MAN2A1: variants seen among roughly 807,000 people sequenced by gnomAD.
MAN2A1 encodes the protein mannosidase alpha class 2A member 1.
A neutral mutation model predicts 142.6 loss-of-function variants in MAN2A1; 76 were observed. The ratio of observed to expected loss-of-function variants is 0.53; its 90% confidence interval spans 0.44 to 0.65. The LOEUF is 0.65. Among genes scored for constraint, MAN2A1 ranks in the 30% least tolerant of loss-of-function variants. MAN2A1 has a pLI of 0.00. For synonymous variants in MAN2A1, 559 were observed against 473.2 expected, an observed-to-expected ratio of 1.18 and a Z score of -2.35; for missense variants, 1,311 against 1,365.1, an observed-to-expected ratio of 0.96 and a Z score of 0.62.
At chr5:109,836,210 A>G (rs1183869267) in intron 16 of MAN2A1, among the ~76,000 whole-genome samples, 5 of 151,978 alleles carry the variant, frequency 3.3e-5, no homozygotes, top group Non-Finnish European at 5.9e-5. Flanking sequence ...CCTAGGTTCA[A>G]GTGATTCTCC....
rs1041843516 is a variant in MAN2A1, at chr5:109,845,374, C to T, written c.2701-491C>T. Among the ~76,000 whole-genome samples the T allele has an allele frequency of 1.2e-4, 18 of 152,108 alleles. 1 individual carries two copies. Reference sequence around the variant, plus strand: ...TGAATGGTTTTTAAATATAAATATGCATTTGATTTTAACATAATATCTTAG... The same window carrying T: ...TGAATGGTTTTTAAATATAAATATGTATTTGATTTTAACATAATATCTTAG... On this transcript the variant is annotated intron_variant, in intron 17 of 21. Coordinates refer to ENST00000261483, the MANE Select transcript of MAN2A1 (RefSeq NM_002372.4).
intron 1 of MAN2A1, among the ~76,000 whole-genome samples, chr5:109,701,066 G>T (rs1306325130): frequency 6.6e-6 from 1 of 152,238 alleles, no homozygotes; most frequent in African/African-American, 2.4e-5. Flanking sequence ...CCAATGGACA[G>T]AGATTTGTAG....
At chr5:109,800,926 G>C (rs1377050984) in intron 12 of MAN2A1, among the ~76,000 whole-genome samples, 1 of 152,172 alleles carries the variant, frequency 6.6e-6, no homozygotes, top group Non-Finnish European at 1.5e-5. Flanking sequence ...CCATAGTGAT[G>C]AACCCTTATG....
intron 4 of MAN2A1, among the ~76,000 whole-genome samples, chr5:109,745,239 T>C (rs1199346574): frequency 1.3e-5 from 2 of 152,210 alleles, no homozygotes; most frequent in African/African-American, 2.4e-5. Flanking sequence ...TATATTGTTA[T>C]ATCTCAATTA....
chr5:109,711,546 A>T (rs17450979), intron 1 of MAN2A1, among the ~76,000 whole-genome samples: 6,561 of 152,262 alleles, frequency 0.043, 175 homozygotes, highest in Middle Eastern at 0.082. Flanking sequence ...CTTGTAACCA[A>T]TGTTGATGTG....
chr5:109,811,535 T>C (rs1754317084), intron 12 of MAN2A1, among the ~76,000 whole-genome samples: 1 of 151,332 alleles, frequency 6.6e-6, no homozygotes, highest in African/African-American at 2.4e-5. Flanking sequence ...TTTTCTGTTT[T>C]GATTGGTCTC....
At chr5:109,813,338 A>G (rs1288986343) in intron 12 of MAN2A1, among the ~76,000 whole-genome samples, 2 of 152,234 alleles carry the variant, frequency 1.3e-5, no homozygotes, top group Non-Finnish European at 2.9e-5. Flanking sequence ...AGCTGTCACA[A>G]CTGTCACAAA....
At chr5:109,811,946 A>T (rs1307281356) in intron 12 of MAN2A1, among the ~76,000 whole-genome samples, 1 of 152,002 alleles carries the variant, frequency 6.6e-6, no homozygotes, top group African/African-American at 2.4e-5. Flanking sequence ...TCCTTTATTT[A>T]GATTTATACA....
intron 3 of MAN2A1, among the ~76,000 whole-genome samples, chr5:109,719,381 T>C (rs1424161185): frequency 2.0e-5 from 3 of 152,190 alleles, no homozygotes; most frequent in Admixed American, 2.0e-4. Context: ...TTAACAAAAG[T>C]AAAATATTGA....
chr5:109,724,698 G>T (rs1751695158), intron 3 of MAN2A1, among the ~76,000 whole-genome samples: 2 of 152,014 alleles, frequency 1.3e-5, no homozygotes, highest in South Asian at 2.1e-4. Flanking sequence ...AAAAAGAAAA[G>T]AAAAAATCAT....
intron 1 of MAN2A1, among the ~76,000 whole-genome samples, chr5:109,712,033 C>T (rs906299676): frequency 2.6e-5 from 4 of 151,824 alleles, no homozygotes; most frequent in Non-Finnish European, 5.9e-5. Flanking sequence ...AGATATTCAC[C>T]CCTAGTGTTG....
chr5:109,836,548 G>A (rs1455034013), intron 16 of MAN2A1, among the ~76,000 whole-genome samples: 1 of 152,160 alleles, frequency 6.6e-6, no homozygotes, highest in African/African-American at 2.4e-5. Flanking sequence ...AGTGGGGGAA[G>A]GCTCTGAGAA....
rs527978876 is a variant in MAN2A1, at chr5:109,695,326, AG to A, written c.135+4778del. ...GAGATGTCACAATTGTATTATTGGAAGGGGATTTTCTCTCTTAGCTTTTAAT... is the reference window on the plus strand; with the variant it reads ...GAGATGTCACAATTGTATTATTGGAAGGGATTTTCTCTCTTAGCTTTTAAT... On this transcript the variant is annotated intron_variant, in intron 1 of 21. Transcript: ENST00000261483. Among the ~76,000 whole-genome samples the A allele has an allele frequency of 5.3e-5, 8 of 152,328 alleles. No individual in the cohort carries two copies. The South Asian group carries it at 1.7e-3, about 32-fold the overall frequency.
At chr5:109,818,199 G>C (rs1322960658) in intron 13 of MAN2A1, among the ~76,000 whole-genome samples, 1 of 152,058 alleles carries the variant, frequency 6.6e-6, no homozygotes, top group African/African-American at 2.4e-5. Flanking sequence ...GGAGTGCAAT[G>C]GCGCGATCTC....
chr5:109,748,179 G>A (rs144472695), intron 4 of MAN2A1, among the ~76,000 whole-genome samples: 1 of 152,226 alleles, frequency 6.6e-6, no homozygotes, highest in African/African-American at 2.4e-5. Context: ...AAGTACATAT[G>A]CATTTTACAG....
chr5:109,691,332 A>G (rs1750665940), intron 1 of MAN2A1, among the ~76,000 whole-genome samples: 1 of 152,152 alleles, frequency 6.6e-6, no homozygotes, highest in Non-Finnish European at 1.5e-5. Context: ...AAGGGTATCC[A>G]CCGCGCGGCA....
chr5:109,782,237 A>G (rs535775755), intron 9 of MAN2A1, among the ~76,000 whole-genome samples: 2 of 152,364 alleles, frequency 1.3e-5, no homozygotes, highest in Admixed American at 6.5e-5. Flanking sequence ...TGTAGAAGAC[A>G]TAAAAACACT....
chr5:109,734,302 T>TG (rs1427159868), intron 4 of MAN2A1, among the ~76,000 whole-genome samples: 1 of 132,390 alleles, frequency 7.6e-6, no homozygotes, highest in African/African-American at 2.8e-5. Context: ...GTTGATCTTT[T>TG]GAAAAAAAAA....
At chr5:109,699,882 T>G (rs1750926567) in intron 1 of MAN2A1, 2 of 152,308 alleles carry the variant, frequency 1.3e-5, no homozygotes, top group South Asian at 4.1e-4. Context: ...AGAAAACCAG[T>G]ACATAGTGTT....
Sources: allele counts gnomAD v4.1 joint callset (sites outside exome capture counted in the v4.1 genomes callset), GRCh38; gene constraint gnomAD v4.1.1; transcripts MANE v1.5; gene names NCBI Gene and HGNC (gene_info 2026-07-23, HGNC 2026-07-21).